Variants in AGBL3 observed in about 807,000 individuals in gnomAD.
AGBL3 encodes the protein cytosolic carboxypeptidase 3.
Under a neutral mutation model 94.5 loss-of-function variants are expected in AGBL3, and 68 were observed. The ratio of observed to expected loss-of-function variants is 0.72; its 90% CI spans 0.59 to 0.88. The LOEUF (loss-of-function observed/expected upper bound fraction) is 0.88. Ranked by LOEUF, AGBL3 falls within the 40% of genes least tolerant of loss-of-function variation. The pLI is 0.00. For missense variants in AGBL3, 934 were observed against 1,103.8 expected (o/e 0.85, Z 2.18); for synonymous variants, 354 against 370.7 (o/e 0.95, Z 0.52).
Position 135,019,384 on chromosome 7 carries a change from T to G in AGBL3, c.418+2225T>G, listed in dbSNP as rs569271075. ...TTACCAATTGTTTTTCTTTCAAATTTAGTGCATTTTGCATCCTGCCTACTT... is the reference window on the plus strand; with the variant it reads ...TTACCAATTGTTTTTCTTTCAAATTGAGTGCATTTTGCATCCTGCCTACTT... On this transcript the variant is annotated intron_variant, in intron 5 of 16. Transcript: ENST00000436302. Among the ~76,000 whole-genome samples the G allele has an allele frequency of 3.9e-5, 6 of 152,348 alleles. No individual in the cohort carries two copies. In the South Asian group the frequency reaches 1.2e-3, roughly 32 times the overall value.
At chr7:135,005,274 C>G (rs1235700174) in intron 4 of AGBL3, among the ~76,000 whole-genome samples, 1 of 151,716 alleles carries the variant, frequency 6.6e-6, no homozygotes, top group African/African-American at 2.4e-5. Flanking sequence ...ATTCACAACT[C>G]TAATTGTATC....
intron 15 of AGBL3, chr7:135,101,209 C>T (rs1470212001): frequency 2.2e-6 from 1 of 456,130 alleles, no homozygotes; most frequent in Non-Finnish European, 4.4e-6. Flanking sequence ...TTCAAAGTGA[C>T]ATCCCTGCAG....
intron 4 of AGBL3, 137 bp from the exon 5 acceptor site, chr7:135,016,915 C>A (rs1054503906): frequency 1.6e-6 from 1 of 635,378 alleles, no homozygotes; most frequent in African/African-American, 1.8e-5. Flanking sequence ...TCCAATGAAC[C>A]CTTAGTAAAA....
intron 15 of AGBL3, among the ~76,000 whole-genome samples, chr7:135,095,041 C>T (rs1222817846): frequency 1.3e-5 from 2 of 152,130 alleles, no homozygotes; most frequent in African/African-American, 4.8e-5. Context: ...GAGTAAGTAG[C>T]CCAAGATAGA....
intron 5 of AGBL3, among the ~76,000 whole-genome samples, chr7:135,023,286 T>A (rs925754894): frequency 6.6e-6 from 1 of 151,782 alleles, no homozygotes; most frequent in Non-Finnish European, 1.5e-5. Flanking sequence ...TTTGAACAGA[T>A]CCTCAGAGAG....
chr7:135,089,824 G>A (rs773360662), intron 15 of AGBL3, among the ~76,000 whole-genome samples: 3 of 152,180 alleles, frequency 2.0e-5, no homozygotes, highest in Non-Finnish European at 4.4e-5. Context: ...GTGGTGTGGG[G>A]TTCCAGGTGC....
chr7:135,009,354 G>A (rs986921001), intron 4 of AGBL3, among the ~76,000 whole-genome samples: 3 of 152,142 alleles, frequency 2.0e-5, no homozygotes, highest in South Asian at 2.1e-4. Flanking sequence ...AAAACATTAT[G>A]CTGAGTGATA....
chr7:135,113,660 A>C (rs1284984379), intron 15 of AGBL3, among the ~76,000 whole-genome samples: 4 of 152,244 alleles, frequency 2.6e-5, no homozygotes, highest in Non-Finnish European at 5.9e-5. Flanking sequence ...GTAGACTCTA[A>C]ATTGTGATAA....
At chr7:135,057,016 T>A (rs1222465271) in intron 11 of AGBL3, among the ~76,000 whole-genome samples, 2 of 151,996 alleles carry the variant, frequency 1.3e-5, no homozygotes, top group Non-Finnish European at 1.5e-5. Context: ...AACAGTGCAG[T>A]ACTAGAGAAA....
intron 1 of AGBL3, among the ~76,000 whole-genome samples, chr7:134,987,269 T>C (rs899533361): frequency 6.6e-6 from 1 of 152,220 alleles, no homozygotes; most frequent in African/African-American, 2.4e-5. Flanking sequence ...CGATGGGAAC[T>C]TGACAAGAAA....
At chr7:135,082,600 T>C (rs1033924910) in intron 15 of AGBL3, among the ~76,000 whole-genome samples, 3 of 152,260 alleles carry the variant, frequency 2.0e-5, no homozygotes, top group African/African-American at 7.2e-5. Flanking sequence ...TATTCTAAAA[T>C]CTTGACATAT....
intron 16 of AGBL3, among the ~76,000 whole-genome samples, chr7:135,132,652 T>C (rs1008078219): frequency 2.6e-5 from 4 of 152,194 alleles, no homozygotes; most frequent in African/African-American, 4.8e-5. Context: ...AGTTTCCCCA[T>C]ACTCTTCTCG....
At chr7:135,083,502 A>G (rs1240632981) in intron 15 of AGBL3, among the ~76,000 whole-genome samples, 2 of 152,154 alleles carry the variant, frequency 1.3e-5, no homozygotes, top group South Asian at 2.1e-4. Flanking sequence ...TAATCAATCT[A>G]TCTTTTTTCC....
chr7:135,023,273 T>C (rs1277285990), intron 5 of AGBL3, among the ~76,000 whole-genome samples: 1 of 151,976 alleles, frequency 6.6e-6, no homozygotes, highest in Non-Finnish European at 1.5e-5. Context: ...TATATCAACA[T>C]ACTTTGAACA....
intron 12 of AGBL3, among the ~76,000 whole-genome samples, chr7:135,072,319 G>C (rs201455534): frequency 1.3e-5 from 2 of 152,210 alleles, no homozygotes; most frequent in East Asian, 1.9e-4. Flanking sequence ...GTTGGTGGGA[G>C]TGTAAACTAG....
At chr7:135,101,181 GA>G (rs1284257992) in intron 15 of AGBL3, 1 of 456,166 alleles carries the variant, frequency 2.2e-6, no homozygotes, top group African/African-American at 2.0e-5. Flanking sequence ...CAAGGGAACT[GA>G]TTTGTATGGA....
chr7:135,103,021 A>C (rs946839950), intron 15 of AGBL3, among the ~76,000 whole-genome samples: 1 of 152,326 alleles, frequency 6.6e-6, no homozygotes, highest in Middle Eastern at 3.4e-3. Flanking sequence ...ACAACCAATA[A>C]AGGCCTTGTT....
At chr7:135,037,191 A>T (rs1816396377) in intron 7 of AGBL3, among the ~76,000 whole-genome samples, 2 of 152,334 alleles carry the variant, frequency 1.3e-5, no homozygotes, top group Non-Finnish European at 1.5e-5. Flanking sequence ...AAGCATTAGG[A>T]TTACAGGCAT....
At chr7:135,119,379 A>C (rs528214682) in intron 16 of AGBL3, among the ~76,000 whole-genome samples, 129 of 84,708 alleles carry the variant, frequency 1.5e-3, no homozygotes, top group Non-Finnish European at 1.3e-3. Context: ...ATAGGCACCC[A>C]CCACCATGCC....
Sources: allele counts gnomAD v4.1 joint callset (sites outside exome capture counted in the v4.1 genomes callset), GRCh38; gene constraint gnomAD v4.1.1; transcripts MANE v1.5; gene names NCBI Gene and HGNC (gene_info 2026-07-23, HGNC 2026-07-21).